Variants in RANBP17 observed in about 807,000 individuals in gnomAD.
RANBP17 encodes RAN binding protein 17, also known as ran-binding protein 17.
RANBP17 carries 158 observed loss-of-function variants against 141.2 expected under a neutral mutation model. The observed-to-expected ratio is 1.12, with a 90% confidence interval of 0.98 to 1.28. RANBP17 has a LOEUF of 1.28. Ranked by LOEUF, RANBP17 falls within the 50% of genes most tolerant of loss-of-function variation. The probability of loss-of-function intolerance (pLI) is 0.00; values close to 1 mark genes in which losing one functional copy is unlikely to be tolerated. For missense variants in RANBP17, 1,438 were observed against 1,290.7 expected, an observed-to-expected ratio of 1.11 and a Z score of -1.75; for synonymous variants, 430 against 450.0, an observed-to-expected ratio of 0.96 and a Z score of 0.56.
chr5:171,123,802 A>T (rs1756222791), intron 14 of RANBP17, among the ~76,000 whole-genome samples: 1 of 152,222 alleles, frequency 6.6e-6, no homozygotes, highest in African/African-American at 2.4e-5. Context: ...TGGCTACTGC[A>T]CCCACGCAGG....
At chr5:170,903,596 A>G (rs1770836129) in intron 5 of RANBP17, 1 of 245,540 alleles carries the variant, frequency 4.1e-6, no homozygotes, top group South Asian at 7.3e-5. Context: ...ACCTCCATTT[A>G]TCCTTCCGGT....
At chr5:171,184,546 G>A (rs998626349) in intron 18 of RANBP17, among the ~76,000 whole-genome samples, 1 of 152,082 alleles carries the variant, frequency 6.6e-6, no homozygotes, top group Non-Finnish European at 1.5e-5. Flanking sequence ...TCTGTTGTAC[G>A]TAGATGGTGA....
At chr5:170,917,967 G>T (rs776978970) in intron 9 of RANBP17, among the ~76,000 whole-genome samples, 2 of 152,046 alleles carry the variant, frequency 1.3e-5, no homozygotes, top group Non-Finnish European at 2.9e-5. Flanking sequence ...GAATGAAATT[G>T]CTTAGAGACT....
At chr5:171,290,843 G>A (rs1463787886) in intron 25 of RANBP17, among the ~76,000 whole-genome samples, 3 of 152,214 alleles carry the variant, frequency 2.0e-5, no homozygotes, top group Non-Finnish European at 4.4e-5. Context: ...AGTAGCTGCA[G>A]TAGCAGTGAA....
At chr5:170,978,886 G>A (rs745718920) in intron 14 of RANBP17, among the ~76,000 whole-genome samples, 3 of 152,100 alleles carry the variant, frequency 2.0e-5, no homozygotes, top group Non-Finnish European at 2.9e-5. Context: ...TGGAAGCCTG[G>A]TGTGTAATTG....
chr5:170,904,019 T>A, intron 5 of RANBP17: 2 of 478,224 alleles, frequency 4.2e-6, no homozygotes, highest in South Asian at 1.8e-5. Context: ...CAAATGCCTT[T>A]AGTAAAGATC....
At chr5:170,924,206 A>G in intron 11 of RANBP17, 151 bp from the exon 12 acceptor site, 1 of 499,082 alleles carries the variant, frequency 2.0e-6, no homozygotes, top group South Asian at 4.6e-5. Context: ...TGTTGGCCTG[A>G]CTGGTCTCAA....
intron 13 of RANBP17, among the ~76,000 whole-genome samples, chr5:170,955,418 T>C (rs1775537576): frequency 6.8e-6 from 1 of 147,746 alleles, no homozygotes; most frequent in African/African-American, 2.5e-5. Context: ...TTTTCTTTTG[T>C]GATGATCTCT....
At chr5:170,942,151 T>G (rs929526431) in intron 12 of RANBP17, among the ~76,000 whole-genome samples, 44 of 152,252 alleles carry the variant, frequency 2.9e-4, no homozygotes, top group African/African-American at 7.9e-4. Context: ...GAATCTAATG[T>G]GTATAATGCC....
chr5:170,872,290 T>C (rs1767809966), intron 1 of RANBP17, among the ~76,000 whole-genome samples: 1 of 152,168 alleles, frequency 6.6e-6, no homozygotes, highest in Non-Finnish European at 1.5e-5. Flanking sequence ...GAATGGGAGT[T>C]CATTCATGAT....
In RANBP17 at chr5:170,875,528, TTC is replaced by T. The variant is rs547087698; in HGVS notation, c.19-2564_19-2563del. On this transcript the variant is annotated intron_variant, in intron 1 of 27. Transcript: ENST00000523189. ...TTTGTTCATTTCTTCTCATTCTTTT[TTC>T]TCTCCTGCCTTATTTCAGCAAGGTA... Among the ~76,000 whole-genome samples the T allele has an allele frequency of 1.5e-3, 230 of 152,332 alleles. 1 individual carries two copies. The highest frequency in any genetic ancestry group is 1.0e-3 in the Non-Finnish European group (68 of 68,020).
intron 3 of RANBP17, among the ~76,000 whole-genome samples, chr5:170,891,113 A>G (rs1769557518): frequency 6.6e-6 from 1 of 152,228 alleles, no homozygotes; most frequent in Non-Finnish European, 1.5e-5. Context: ...TGTGCTATGC[A>G]ATGCTACATA....
At chr5:171,003,169 G>A (rs577567475) in intron 14 of RANBP17, among the ~76,000 whole-genome samples, 1 of 152,256 alleles carries the variant, frequency 6.6e-6, no homozygotes, top group African/African-American at 2.4e-5. Flanking sequence ...TACAGAGTGC[G>A]GTCCTGGTCC....
At chr5:170,893,733 C>G (rs1769855367) in intron 4 of RANBP17, among the ~76,000 whole-genome samples, 1 of 151,084 alleles carries the variant, frequency 6.6e-6, no homozygotes, top group Non-Finnish European at 1.5e-5. Flanking sequence ...ACGGAGCTTG[C>G]AGTGAGCGGA....
intron 22 of RANBP17, among the ~76,000 whole-genome samples, chr5:171,239,212 G>T (rs548002187): frequency 6.6e-6 from 1 of 152,234 alleles, no homozygotes; most frequent in South Asian, 2.1e-4. Flanking sequence ...TTGTCATTCA[G>T]ATATATAAAT....
At chr5:171,176,914 G>A (rs1760521803) in intron 16 of RANBP17, among the ~76,000 whole-genome samples, 2 of 152,098 alleles carry the variant, frequency 1.3e-5, no homozygotes, top group South Asian at 2.1e-4. Flanking sequence ...TGAAGCAAAG[G>A]GCAAGAATGA....
chr5:171,049,497 G>T (rs905930355), intron 14 of RANBP17, among the ~76,000 whole-genome samples: 11 of 152,102 alleles, frequency 7.2e-5, no homozygotes, highest in African/African-American at 2.2e-4. Context: ...GACAATTTTT[G>T]ATTTTGTTGC....
chr5:171,039,280 T>C (rs1042442410), intron 14 of RANBP17, among the ~76,000 whole-genome samples: 1 of 148,948 alleles, frequency 6.7e-6, no homozygotes, highest in African/African-American at 2.5e-5. Flanking sequence ...TAATAATAAC[T>C]ATTCTGACTG....
intron 14 of RANBP17, among the ~76,000 whole-genome samples, chr5:171,060,819 T>G (rs1158032751): frequency 1.3e-5 from 2 of 152,192 alleles, no homozygotes; most frequent in African/African-American, 4.8e-5. Context: ...GGTAAGCTAT[T>G]GATTATTGCC....
Sources: allele counts gnomAD v4.1 joint callset (sites outside exome capture counted in the v4.1 genomes callset), GRCh38; gene constraint gnomAD v4.1.1; transcripts MANE v1.5; gene names NCBI Gene and HGNC (gene_info 2026-07-23, HGNC 2026-07-21).